The following KHDRBS2 variants were observed in gnomAD, a reference collection of about 807,000 sequenced individuals.
KHDRBS2 encodes the protein KH domain-containing, RNA-binding, signal transduction-associated protein 2.
Under a neutral mutation model 44.3 loss-of-function variants are expected in KHDRBS2, and 26 were observed. The observed-to-expected ratio is 0.59, with a 90% CI of 0.43 to 0.81. The LOEUF is 0.81. Among genes scored for constraint, KHDRBS2 ranks in the 40% least tolerant of loss-of-function variants. KHDRBS2 has a pLI of 0.00. For synonymous variants in KHDRBS2, 194 were observed against 151.1 expected (o/e 1.28, Z -2.08); for missense variants, 476 against 433.1 (o/e 1.10, Z -0.88).
At chr6:61,870,996 C>T (rs573971033) in intron 6 of KHDRBS2, among the ~76,000 whole-genome samples, 12 of 152,182 alleles carry the variant, frequency 7.9e-5, no homozygotes, top group East Asian at 5.8e-4. Context: ...CAAAACTGGA[C>T]GGAGAATGAG....
At chr6:61,862,768 G>A (rs1286754101) in intron 6 of KHDRBS2, among the ~76,000 whole-genome samples, 2 of 151,994 alleles carry the variant, frequency 1.3e-5, no homozygotes, top group East Asian at 1.9e-4. Context: ...CAATGATATC[G>A]GTCTCAAGTT....
the KHDRBS2 span, among the ~76,000 whole-genome samples, chr6:61,600,421 T>G: frequency 4.3e-3 from 661 of 152,242 alleles, 5 homozygotes; most frequent in African/African-American, 0.015. Flanking sequence ...GCTTCCCAAC[T>G]GAGCACCTTG....
At position 62,155,725 on chromosome 6, in the gene KHDRBS2, G is replaced by T. The variant is rs1816216120; in HGVS notation, c.219+21460C>A. On this transcript the variant is annotated intron_variant, in intron 2 of 8. Coordinates refer to ENST00000281156, the MANE Select transcript of KHDRBS2 (RefSeq NM_152688.4). ...TAATCAAAAACAATTCCCCCATATA[G>T]TTGTTTTTAAAATGAACAGTAGAAG... Among the ~76,000 whole-genome samples, 2 of 152,094 alleles carry T rather than the reference G, an allele frequency of 1.3e-5. 1 individual carries two copies. The highest frequency in any genetic ancestry group is 4.1e-4 in the South Asian group (2 of 4,824).
intron 2 of KHDRBS2, among the ~76,000 whole-genome samples, chr6:62,124,215 T>C (rs1562918971): frequency 6.6e-6 from 1 of 152,314 alleles, no homozygotes; most frequent in East Asian, 1.9e-4. Flanking sequence ...TCAAGTGTCA[T>C]ACAGTAAATG....
At position 62,262,802 on chromosome 6, in the gene KHDRBS2, G is replaced by C. The variant is rs1838580768; in HGVS notation, c.91+23056C>G. Among the ~76,000 whole-genome samples the C allele has an allele frequency of 2.0e-5, 3 of 151,750 alleles. No homozygotes were observed. The East Asian group carries it at 5.8e-4, about 29-fold the overall frequency. Reference sequence around the variant, plus strand: ...GTTTAATACATGAAAGTATCCACAAGTATGTGTACATTATTGTCAAAAATA... The same window carrying C: ...GTTTAATACATGAAAGTATCCACAACTATGTGTACATTATTGTCAAAAATA... On this transcript the variant is annotated intron_variant, in intron 1 of 8. Transcript: ENST00000281156.
chr6:62,103,740 T>C (rs994036443), intron 2 of KHDRBS2, among the ~76,000 whole-genome samples: 7 of 152,108 alleles, frequency 4.6e-5, no homozygotes, highest in African/African-American at 1.7e-4. Context: ...CTGGCGACCT[T>C]GCAGTGGCCC....
Position 62,187,470 on chromosome 6 carries a change from T to C in KHDRBS2, c.92-10158A>G, listed in dbSNP as rs536040698. On this transcript the variant is annotated intron_variant, in intron 1 of 8. Transcript: ENST00000281156. Reference sequence around the variant, plus strand: ...TCTTACAGTCTAGGGAGGTAGAAAGTAAATGAATAGGTAAATTATAATGTA... The same window carrying C: ...TCTTACAGTCTAGGGAGGTAGAAAGCAAATGAATAGGTAAATTATAATGTA... Among the ~76,000 whole-genome samples the C allele has an allele frequency of 2.6e-5, 4 of 152,250 alleles. No homozygotes were observed. The South Asian group carries it at 8.3e-4, about 32-fold the overall frequency.
intron 2 of KHDRBS2, among the ~76,000 whole-genome samples, chr6:62,054,679 C>T (rs746585904): frequency 6.6e-6 from 1 of 151,868 alleles, no homozygotes; most frequent in Non-Finnish European, 1.5e-5. Context: ...AGGCCATGAG[C>T]CAAAGAATGA....
intron 3 of KHDRBS2, among the ~76,000 whole-genome samples, chr6:62,041,280 G>A (rs1461980639): frequency 3.9e-5 from 6 of 151,918 alleles, no homozygotes; most frequent in Non-Finnish European, 8.8e-5. Flanking sequence ...GTAGTGAGCC[G>A]AGACTGCACC....
chr6:62,215,041 A>G (rs1028000212), intron 1 of KHDRBS2, among the ~76,000 whole-genome samples: 4 of 151,912 alleles, frequency 2.6e-5, no homozygotes, highest in African/African-American at 4.8e-5. Context: ...TGAATTTTCC[A>G]TTGTTTCCTT....
At chr6:61,943,416 A>G (rs1812554133) in intron 4 of KHDRBS2, among the ~76,000 whole-genome samples, 2 of 152,128 alleles carry the variant, frequency 1.3e-5, no homozygotes, top group African/African-American at 4.8e-5. Context: ...AAAAAAAGGA[A>G]CAAAGACTAT....
chr6:62,084,060 C>T (rs2127357570), intron 2 of KHDRBS2, among the ~76,000 whole-genome samples: 1 of 152,240 alleles, frequency 6.6e-6, no homozygotes, highest in African/African-American at 2.4e-5. Context: ...CTTTCTTGTA[C>T]TCCTCCAATT....
chr6:62,082,308 C>A (rs1277392489), intron 2 of KHDRBS2, among the ~76,000 whole-genome samples: 1 of 73,200 alleles, frequency 1.4e-5, no homozygotes, highest in African/African-American at 7.0e-5. Context: ...CAAATACACA[C>A]TGGTGTGTGT....
chr6:62,261,518 C>G (rs1431952792), intron 1 of KHDRBS2, among the ~76,000 whole-genome samples: 1 of 151,724 alleles, frequency 6.6e-6, no homozygotes, highest in African/African-American at 2.4e-5. Context: ...ATGCTTTTTC[C>G]AATACTATTT....
chr6:61,724,070 G>T (rs969752721), intron 7 of KHDRBS2, among the ~76,000 whole-genome samples: 1 of 152,138 alleles, frequency 6.6e-6, no homozygotes, highest in Non-Finnish European at 1.5e-5. Flanking sequence ...CAGAGAGAAA[G>T]ACCAGGTCAC....
At chr6:61,592,188 CAAAAAAAA>C in the KHDRBS2 span, among the ~76,000 whole-genome samples, 3 of 122,276 alleles carry the variant, frequency 2.5e-5, no homozygotes, top group Non-Finnish European at 5.1e-5. Flanking sequence ...AAGATCCCAC[CAAAAAAAA>C]AAAAAAAAAA....
At chr6:62,249,033 C>A (rs927635694) in intron 1 of KHDRBS2, among the ~76,000 whole-genome samples, 2 of 152,066 alleles carry the variant, frequency 1.3e-5, no homozygotes, top group Admixed American at 1.3e-4. Flanking sequence ...AGGAAAATGT[C>A]TGTGGAAAAG....
intron 6 of KHDRBS2, among the ~76,000 whole-genome samples, chr6:61,790,132 C>T (rs1025152376): frequency 2.6e-4 from 40 of 151,152 alleles, no homozygotes; most frequent in African/African-American, 9.7e-4. Context: ...AAATGAAAAA[C>T]GTGTTTTCCA....
the KHDRBS2 span, among the ~76,000 whole-genome samples, chr6:61,586,240 A>G: frequency 6.6e-6 from 1 of 152,318 alleles, no homozygotes; most frequent in East Asian, 1.9e-4. Flanking sequence ...TTGATTTAAG[A>G]TACAGCTACA....
Sources: allele counts gnomAD v4.1 joint callset (sites outside exome capture counted in the v4.1 genomes callset), GRCh38; gene constraint gnomAD v4.1.1; transcripts MANE v1.5; gene names NCBI Gene and HGNC (gene_info 2026-07-23, HGNC 2026-07-21).